The following BAIAP2 variants were observed in gnomAD, a reference collection of about 807,000 sequenced individuals.
The protein encoded by BAIAP2 is BAR/IMD domain-containing adapter protein 2.
A neutral mutation model predicts 63.0 loss-of-function variants in BAIAP2; 18 were observed. The ratio of observed to expected loss-of-function variants is 0.29; its 90% confidence interval spans 0.20 to 0.42. The LOEUF (loss-of-function observed/expected upper bound fraction) is 0.42. Ranked by LOEUF, BAIAP2 falls within the 10% of genes least tolerant of loss-of-function variation. BAIAP2 has a pLI of 1.00. For synonymous variants in BAIAP2, 386 were observed against 307.6 expected, an observed-to-expected ratio of 1.25 and a Z score of -2.67; for missense variants, 610 against 734.3, an observed-to-expected ratio of 0.83 and a Z score of 1.96.
At chr17:81,081,580 T>A (rs989338192) in intron 3 of BAIAP2, among the ~76,000 whole-genome samples, 1 of 152,178 alleles carries the variant, frequency 6.6e-6, no homozygotes, top group African/African-American at 2.4e-5. Flanking sequence ...GTGGCTTCCC[T>A]TCAGCCAGGC....
chr17:81,066,776 CG>C (rs1223352099), intron 3 of BAIAP2, among the ~76,000 whole-genome samples: 1 of 152,206 alleles, frequency 6.6e-6, no homozygotes, highest in Non-Finnish European at 1.5e-5. Context: ...GGCTGTGTCA[CG>C]GCCCCTCTGG....
In BAIAP2 at chr17:81,103,643, A is replaced by G; in HGVS notation, c.784A>G (p.Lys262Glu). Residue 262 changes from lysine to glutamate, a missense_variant, in exon 8 of 14, where the codon AAG (lysine) becomes GAG (glutamate). By Grantham distance (56) the Lys-to-Glu change is moderately conservative (BLOSUM62 1). Transcript: ENST00000428708. ...ATLPSALSASKSNLVISDPIP... is the reference protein window; with the variant it reads ...ATLPSALSASESNLVISDPIP... ...CCTCCCCAGCGCCCTGTCGGCCTCC[A>G]AGTCCAACCTGGTCATTTCCGACCC... 1 of 1,605,238 alleles carries G rather than the reference A, an allele frequency of 6.2e-7. No homozygotes were observed. Among genetic ancestry groups the G allele is most frequent in the Non-Finnish European group, 8.5e-7 (1 of 1,177,940 alleles).
At chr17:81,102,839 C>T (rs1009470844) in intron 7 of BAIAP2, among the ~76,000 whole-genome samples, 3 of 152,184 alleles carry the variant, frequency 2.0e-5, no homozygotes, top group Admixed American at 6.5e-5. Context: ...GGCCCTGCAG[C>T]CTGCTTAGGC....
At chr17:81,067,193 C>T (rs1175790460) in intron 3 of BAIAP2, among the ~76,000 whole-genome samples, 2 of 152,236 alleles carry the variant, frequency 1.3e-5, no homozygotes, top group Non-Finnish European at 2.9e-5. Context: ...TCCCTCCCTA[C>T]AGTAGGACTC....
intron 3 of BAIAP2, among the ~76,000 whole-genome samples, chr17:81,061,076 A>C (rs573463063): frequency 9.8e-5 from 15 of 152,334 alleles, no homozygotes; most frequent in Admixed American, 7.2e-4. Flanking sequence ...GTGAGCCGAG[A>C]TGGTGCCATT....
intron 4 of BAIAP2, 103 bp from the exon 5 acceptor site, chr17:81,085,551 G>A: frequency 1.0e-6 from 1 of 956,854 alleles, no homozygotes; most frequent in Non-Finnish European, 1.7e-6. Flanking sequence ...GCACAGCCGG[G>A]ACACCCGGTG....
intron 2 of BAIAP2, among the ~76,000 whole-genome samples, chr17:81,057,009 C>T (rs973757454): frequency 6.6e-6 from 1 of 152,232 alleles, no homozygotes; most frequent in East Asian, 1.9e-4. Flanking sequence ...GGTCTTGTGC[C>T]GCAGAACAAA....
chr17:81,036,818 A>C, intron 1 of BAIAP2: 5 of 1,472,632 alleles, frequency 3.4e-6, no homozygotes, highest in Non-Finnish European at 4.6e-6. Context: ...GAGGTTTATT[A>C]AATTATTAGT....
chr17:81,047,267 C>T (rs1431729384), intron 1 of BAIAP2, among the ~76,000 whole-genome samples: 1 of 152,146 alleles, frequency 6.6e-6, no homozygotes, highest in African/African-American at 2.4e-5. Context: ...CTGGGCTCCA[C>T]CAAGAGCTGA....
In BAIAP2 at chr17:81,035,276, G is replaced by A; in HGVS notation, c.22G>A (p.Glu8Lys). 6.6e-7 allele frequency: 1 copy of A among 1,519,694 alleles called. No individual in the cohort carries two copies. The allele number at this position is 1,519,694 out of a possible 1,614,324, so 94.1% of individuals were successfully genotyped here. Residue 8 changes from glutamate (E) to lysine (K), a missense_variant, in exon 1 of 14, where the codon GAG becomes AAG. Glu to Lys is a moderately conservative substitution (Grantham distance 56). Around this residue, in one of 5 missense-constraint regions of BAIAP2, gnomAD observed 389 missense variants for 455.6 expected, o/e 0.85. Transcript: ENST00000428708. ...GACCATGTCTCTGTCTCGCTCAGAG[G>A]AGATGCACCGGCTCACGGAAAATGT... Reference protein sequence around the residue: MSLSRSEEMHRLTENVYK... With the variant: MSLSRSEKMHRLTENVYK...
chr17:81,037,781 C>T (rs529713003), intron 1 of BAIAP2, among the ~76,000 whole-genome samples: 2 of 152,386 alleles, frequency 1.3e-5, no homozygotes, highest in South Asian at 2.1e-4. Context: ...TTGGACATTG[C>T]ATCGCCTTAA....
rs151311204 is a variant in BAIAP2 at position 81,044,742 on chromosome 17, T to C, written c.55-8926T>C. On this transcript the variant is annotated intron_variant, in intron 1 of 13. Coordinates refer to ENST00000428708, the MANE Select transcript of BAIAP2 (RefSeq NM_001144888.2). ...ATTACGAGCCTATGATGGTTTTCCCTTCCAACCTCAGTCAGATCGCAGCCC... is the reference window on the plus strand; with the variant it reads ...ATTACGAGCCTATGATGGTTTTCCCCTCCAACCTCAGTCAGATCGCAGCCC... Among the ~76,000 whole-genome samples the C allele has an allele frequency of 1.2e-3, 186 of 152,320 alleles. 1 individual carries two copies. Among genetic ancestry groups the C allele is most frequent in the Non-Finnish European group, 1.6e-3 (111 of 68,022 alleles).
chr17:81,092,496 G>A (rs1264721804), intron 6 of BAIAP2, among the ~76,000 whole-genome samples: 1 of 152,188 alleles, frequency 6.6e-6, no homozygotes, highest in Non-Finnish European at 1.5e-5. Flanking sequence ...CTGTCTGCCT[G>A]CCAGGGTGCC....
intron 13 of BAIAP2, chr17:81,110,841 G>GT (rs2059838750): frequency 3.1e-6 from 5 of 1,589,036 alleles, no homozygotes; most frequent in Non-Finnish European, 4.3e-6. Context: ...CTCGCCCGTG[G>GT]TCCCCCCTCC....
chr17:81,075,768 C>T (rs1209566261), intron 3 of BAIAP2, among the ~76,000 whole-genome samples: 2 of 152,194 alleles, frequency 1.3e-5, no homozygotes, highest in African/African-American at 4.8e-5. Context: ...TTTGGTGGGC[C>T]TCAAGTCCTG....
chr17:81,076,641 TG>T (rs2053707214), intron 3 of BAIAP2: 2 of 152,202 alleles, frequency 1.3e-5, no homozygotes, highest in South Asian at 4.1e-4. Context: ...CACCTCTCAG[TG>T]GATGCCGGCA....
intron 3 of BAIAP2, among the ~76,000 whole-genome samples, chr17:81,078,833 C>T (rs2054138386): frequency 6.6e-6 from 1 of 152,094 alleles, no homozygotes; most frequent in South Asian, 2.1e-4. Flanking sequence ...TGGAAGCTCT[C>T]AGGGCTCCTG....
At position 81,094,032 on chromosome 17, in the gene BAIAP2, C is replaced by T. The variant is rs1195879569; in HGVS notation, c.490-5896C>T. Among the ~76,000 whole-genome samples, 6 of 151,730 alleles carry T rather than the reference C, an allele frequency of 4.0e-5. No homozygotes were observed. The East Asian group carries it at 9.7e-4, about 25-fold the overall frequency. On this transcript the variant is annotated intron_variant, in intron 6 of 13. Coordinates refer to ENST00000428708, the MANE Select transcript of BAIAP2 (RefSeq NM_001144888.2). Reference sequence around the variant, plus strand: ...CAGGAAAAACAGGAGTGTGAGGAGCCAGGAGCCACGGAGCCCTCTCAGGGC... The same window carrying T: ...CAGGAAAAACAGGAGTGTGAGGAGCTAGGAGCCACGGAGCCCTCTCAGGGC...
At position 81,110,878 on chromosome 17, in the gene BAIAP2, A is replaced by C. The variant is rs920779210; in HGVS notation, c.1535+2369A>C. ...CTGCACCCCCGAGTCCTCAGACCCC[A>C]TGCTGCCTCCAACTGAGCCTTGTGT... is the stretch of plus-strand genomic sequence containing the variant. On this transcript the variant is annotated intron_variant, in intron 13 of 13. Transcript: ENST00000428708. 3.1e-6 allele frequency: 5 copies of C among 1,613,252 alleles called. No individual in the cohort carries two copies. The African/African-American group carries it at 6.7e-5, about 22-fold the overall frequency.
Sources: gnomAD v4.1 joint callset for allele counts (sites outside exome capture counted in the v4.1 genomes callset) on GRCh38, gnomAD v4.1.1 for gene constraint, gnomAD v4.1.1 regional missense constraint, MANE v1.5 for transcripts, NCBI Gene and HGNC (gene_info 2026-07-23, HGNC 2026-07-21) for gene names.